The following DLG2 variants were observed in gnomAD, a reference collection of about 807,000 sequenced individuals.
DLG2 encodes disks large homolog 2.
A neutral mutation model predicts 132.5 loss-of-function variants in DLG2; 45 were observed. That is an observed-to-expected ratio of 0.34 (90% CI 0.27 to 0.44). The LOEUF is 0.44. DLG2 is among the 20% of genes least tolerant of loss of function. The probability of loss-of-function intolerance (pLI) is 1.00; values close to 1 mark genes in which losing one functional copy is unlikely to be tolerated. For synonymous variants in DLG2, 424 were observed against 419.6 expected (o/e 1.01, Z -0.13); for missense variants, 1,045 against 1,196.9 (o/e 0.87, Z 1.87).
At chr11:84,599,181 G>T (rs2099570250) in intron 6 of DLG2, among the ~76,000 whole-genome samples, 1 of 152,112 alleles carries the variant, frequency 6.6e-6, no homozygotes. Context: ...GGAGGCAGAG[G>T]TTGCAGTGAG....
chr11:83,508,895 T>A (rs12287103), intron 21 of DLG2, among the ~76,000 whole-genome samples: 30,132 of 152,208 alleles, frequency 0.2, 3,207 homozygotes, highest in Non-Finnish European at 0.21. Flanking sequence ...TAGCAGTTGC[T>A]GAGTACACAG....
chr11:84,028,942 G>C (rs2095616416), intron 11 of DLG2, among the ~76,000 whole-genome samples: 2 of 151,878 alleles, frequency 1.3e-5, no homozygotes. Context: ...TTTCTTTATA[G>C]CTCTATCTTC....
chr11:83,794,862 G>A (rs752464046), intron 17 of DLG2, among the ~76,000 whole-genome samples: 18 of 152,034 alleles, frequency 1.2e-4, no homozygotes, highest in Admixed American at 7.9e-4. Flanking sequence ...GAGGGTCTAC[G>A]CCTACAAGAT....
chr11:85,394,967 T>C (rs1002724295), intron 3 of DLG2, among the ~76,000 whole-genome samples: 1 of 152,210 alleles, frequency 6.6e-6, no homozygotes, highest in Admixed American at 6.5e-5. Context: ...ACTTTTGCAC[T>C]ATGATATATA....
At chr11:83,753,846 T>TC (rs1566832083) in intron 18 of DLG2, among the ~76,000 whole-genome samples, 337 of 11,560 alleles carry the variant, frequency 0.029, 32 homozygotes, top group African/African-American at 0.15. Flanking sequence ...ATATATATCA[T>TC]ATATATCATA....
intron 6 of DLG2, among the ~76,000 whole-genome samples, chr11:84,744,243 C>A (rs1420945121): frequency 6.6e-6 from 1 of 152,148 alleles, no homozygotes; most frequent in Non-Finnish European, 1.5e-5. Flanking sequence ...GAAAATGAAT[C>A]ACATTCTCTG....
intron 18 of DLG2, among the ~76,000 whole-genome samples, chr11:83,699,545 GA>G (rs1202881153): frequency 0.02 from 2,440 of 121,874 alleles, 61 homozygotes; most frequent in African/African-American, 0.064. Flanking sequence ...AAATACAAAA[GA>G]AAAAAAAAAA....
At chr11:83,725,819 T>C (rs1387328765) in intron 18 of DLG2, among the ~76,000 whole-genome samples, 1 of 152,200 alleles carries the variant, frequency 6.6e-6, no homozygotes, top group Non-Finnish European at 1.5e-5. Context: ...GTTTTAATGG[T>C]TGGTCATTTG....
At chr11:83,836,110 T>G (rs2056093680) in intron 16 of DLG2, among the ~76,000 whole-genome samples, 1 of 152,206 alleles carries the variant, frequency 6.6e-6, no homozygotes. Context: ...AGACTGCTGA[T>G]GTCCCAGCTT....
chr11:85,007,807 A>T lies in DLG2; in HGVS notation c.357+103854T>A, dbSNP rs555645330. On this transcript the variant is annotated intron_variant, in intron 6 of 27. Coordinates refer to ENST00000376104, the MANE Select transcript of DLG2 (RefSeq NM_001142699.3). ...CTAGTTTTCTCATCTGCAATATAAG[A>T]TTGTTAGACCACCCTCTTTTGTGAC... is the stretch of plus-strand genomic sequence containing the variant. Among the ~76,000 whole-genome samples, 5 of 152,114 alleles carry T rather than the reference A, an allele frequency of 3.3e-5. 1 individual carries two copies. Among genetic ancestry groups the T allele is most frequent in the Middle Eastern group, 6.8e-3 (2 of 294 alleles).
At chr11:84,596,320 G>GCCTCA (rs1293994236) in intron 6 of DLG2, among the ~76,000 whole-genome samples, 2 of 151,148 alleles carry the variant, frequency 1.3e-5, no homozygotes, top group South Asian at 2.1e-4. Flanking sequence ...CAATTCTCCT[G>GCCTCA]CCTCAGCCTC....
chr11:85,484,440 G>C (rs909884863), intron 3 of DLG2, among the ~76,000 whole-genome samples: 96 of 150,448 alleles, frequency 6.4e-4, no homozygotes, highest in African/African-American at 2.3e-3. Context: ...GAAAATATTC[G>C]CAACCTACTC....
At chr11:85,433,192 A>C (rs2091287702) in intron 3 of DLG2, among the ~76,000 whole-genome samples, 1 of 152,176 alleles carries the variant, frequency 6.6e-6, no homozygotes, top group African/African-American at 2.4e-5. Flanking sequence ...AGGAAAAATC[A>C]ATACCAGCCA....
intron 17 of DLG2, among the ~76,000 whole-genome samples, chr11:83,829,446 C>T (rs945398424): frequency 6.6e-6 from 1 of 152,190 alleles, no homozygotes; most frequent in Non-Finnish European, 1.5e-5. Context: ...ATCTGCCCGC[C>T]TCAGCCTCCC....
At chr11:85,385,812 G>T (rs1201062870) in intron 3 of DLG2, among the ~76,000 whole-genome samples, 1 of 152,142 alleles carries the variant, frequency 6.6e-6, no homozygotes, top group Non-Finnish European at 1.5e-5. Context: ...GGAGAGAACT[G>T]AACTTTTCAA....
intron 7 of DLG2, among the ~76,000 whole-genome samples, chr11:84,416,281 C>A (rs946142458): frequency 6.6e-6 from 1 of 152,088 alleles, no homozygotes; most frequent in East Asian, 1.9e-4. Flanking sequence ...TAAGAATTTC[C>A]CCAACCAAAA....
At chr11:84,892,822 C>A (rs2089614509) in intron 6 of DLG2, among the ~76,000 whole-genome samples, 3 of 152,014 alleles carry the variant, frequency 2.0e-5, no homozygotes, top group Non-Finnish European at 4.4e-5. Flanking sequence ...CCCTCTTACC[C>A]TTTTACTTCC....
At chr11:83,688,078 G>A (rs2080150634) in intron 18 of DLG2, among the ~76,000 whole-genome samples, 1 of 151,888 alleles carries the variant, frequency 6.6e-6, no homozygotes, top group Non-Finnish European at 1.5e-5. Context: ...AAGAAGCTGT[G>A]CTCTCAATCA....
At chr11:84,203,330 C>G (rs998821138) in intron 8 of DLG2, among the ~76,000 whole-genome samples, 1 of 152,134 alleles carries the variant, frequency 6.6e-6, no homozygotes, top group African/African-American at 2.4e-5. Flanking sequence ...CGCCTGTAAT[C>G]TCAGCACTTT....
Sources: allele counts gnomAD v4.1 joint callset (sites outside exome capture counted in the v4.1 genomes callset), GRCh38; gene constraint gnomAD v4.1.1; transcripts MANE v1.5; gene names NCBI Gene and HGNC (gene_info 2026-07-23, HGNC 2026-07-21).